The following ADGRB1 variants were observed in gnomAD, a reference collection of about 807,000 sequenced individuals.
The protein encoded by ADGRB1 is adhesion G protein-coupled receptor B1, also known as brain-specific angiogenesis inhibitor 1.
In ADGRB1, 36 loss-of-function variants were observed where a neutral mutation model predicts 175.7. The ratio of observed to expected loss-of-function variants is 0.20; its 90% CI spans 0.16 to 0.27. The LOEUF (loss-of-function observed/expected upper bound fraction) is 0.27. ADGRB1 is among the 10% of genes least tolerant of loss of function. The pLI is 1.00. For missense variants in ADGRB1, 1,731 were observed against 2,255.3 expected (o/e 0.77, Z 4.71); for synonymous variants, 1,054 against 979.4 (o/e 1.08, Z -1.42).
At position 142,464,158 on chromosome 8, in the gene ADGRB1, C is replaced by A; in HGVS notation, c.-41C>A. ...CATGTCAAGACCTGGTCCGCGCCTG[C>A]CTGCCCAGCCCGCGGAACCCCGGCG... On this transcript the variant is annotated 5_prime_UTR_variant, in exon 2 of 31. Coordinates refer to ENST00000517894, the MANE Select transcript of ADGRB1 (RefSeq NM_001702.3). The A allele has an allele frequency of 8.0e-7, 1 of 1,247,142 alleles. No homozygotes were observed. Among genetic ancestry groups the A allele is most frequent in the Non-Finnish European group, 1.0e-6 (1 of 999,664 alleles). 77.3% of individuals were successfully genotyped at this position (1,247,142 alleles called of 1,614,324 possible). A position where few individuals can be genotyped will look rare whatever the true frequency, so the allele number is the denominator to read the frequency against.
At chr8:142,465,164 G>C (rs1840204032) in intron 2 of ADGRB1, among the ~76,000 whole-genome samples, 182 bp downstream of exon 2, 1 of 152,160 alleles carries the variant, frequency 6.6e-6, no homozygotes, top group Non-Finnish European at 1.5e-5. Context: ...TGCTAGCACC[G>C]CTGTCTGGAG....
chr8:142,542,737 G>A lies in ADGRB1; in HGVS notation c.4413+90G>A, dbSNP rs894030662. The A allele has an allele frequency of 9.1e-5, 113 of 1,241,282 alleles. No homozygotes were observed. In the Middle Eastern group the frequency reaches 9.9e-4, roughly 11 times the overall value. The allele number at this position is 1,241,282 out of a possible 1,614,324, so 76.9% of individuals were successfully genotyped here. A position where few individuals can be genotyped will look rare whatever the true frequency, so the allele number is the denominator to read the frequency against. On this transcript the variant is annotated intron_variant, in intron 28 of 30. Coordinates refer to ENST00000517894, the MANE Select transcript of ADGRB1 (RefSeq NM_001702.3). This position sits in a 1 kb window ranked among gnomAD's most constrained non-coding sequence, Gnocchi z 6.3. Reference sequence around the variant, plus strand: ...CCCTGCTGGGTGGGACCCCCACGCCGTCAGCGGGGCGGGCTGGCTCTGCCT... The same window carrying A: ...CCCTGCTGGGTGGGACCCCCACGCCATCAGCGGGGCGGGCTGGCTCTGCCT...
chr8:142,515,742 G>A (rs532349319), intron 18 of ADGRB1, among the ~76,000 whole-genome samples: 14 of 151,964 alleles, frequency 9.2e-5, no homozygotes, highest in African/African-American at 2.7e-4. Context: ...TCGGGGGGCC[G>A]GTGGGAGAGC....
intron 16 of ADGRB1, 109 bp from the exon 17 acceptor site, chr8:142,490,663 C>A: frequency 7.6e-7 from 1 of 1,311,520 alleles, no homozygotes; most frequent in Non-Finnish European, 1.1e-6. Flanking sequence ...CAGGGACCCG[C>A]ACAGGTAGCA....
Position 142,543,799 on chromosome 8 carries a change from C to A in ADGRB1, c.4557+91C>A. 8.8e-7 allele frequency: 1 copy of A among 1,139,140 alleles called. No homozygotes were observed. Among genetic ancestry groups the A allele is most frequent in the Non-Finnish European group, 1.3e-6 (1 of 778,730 alleles). The allele number at this position is 1,139,140 out of a possible 1,614,324, so 70.6% of individuals were successfully genotyped here. On this transcript the variant is annotated intron_variant, in intron 30 of 30. Transcript: ENST00000517894. The surrounding 1 kb of genome is among the most constrained non-coding windows in gnomAD (Gnocchi z 4.4). ...CCTGGATTTGTGCACTTCATCCATCCATCCATCCATCCATCCATTCGTTCA... is the reference window on the plus strand; with the variant it reads ...CCTGGATTTGTGCACTTCATCCATCAATCCATCCATCCATCCATTCGTTCA...
intron 24 of ADGRB1, among the ~76,000 whole-genome samples, chr8:142,526,970 C>A (rs906992244): frequency 1.3e-5 from 2 of 152,206 alleles, no homozygotes; most frequent in African/African-American, 4.8e-5. Context: ...CCTGGCCCCC[C>A]ACTCCCCTAC....
chr8:142,480,895 A>G (rs1254668494), intron 9 of ADGRB1, among the ~76,000 whole-genome samples: 1 of 148,826 alleles, frequency 6.7e-6, no homozygotes, highest in Non-Finnish European at 1.5e-5. Flanking sequence ...GCAGCCAGGC[A>G]GGGGCCCAGG....
chr8:142,526,682 C>A (rs1027542181), intron 24 of ADGRB1, 55 bp downstream of exon 24: 46 of 1,520,188 alleles, frequency 3.0e-5, no homozygotes, highest in Non-Finnish European at 4.0e-5. Flanking sequence ...ACCCAGAGCC[C>A]ACCCAGCCCC....
Position 142,493,616 on chromosome 8 carries a change from G to A in ADGRB1, c.2675+2801G>A, listed in dbSNP as rs1242524849. ...CAGCATTGTGCCCAAGTTGCCTCTT[G>A]GGTCCTTGACCCTGCCCGGCAGCCA... On this transcript the variant is annotated intron_variant, in intron 17 of 30. Coordinates refer to ENST00000517894, the MANE Select transcript of ADGRB1 (RefSeq NM_001702.3). The surrounding 1 kb of genome is among the most constrained non-coding windows in gnomAD (Gnocchi z 5.0). Among the ~76,000 whole-genome samples, 1 of 152,208 alleles carries A rather than the reference G, an allele frequency of 6.6e-6. No individual in the cohort carries two copies. Among genetic ancestry groups the A allele is most frequent in the African/African-American group, 2.4e-5 (1 of 41,446 alleles).
Position 142,543,444 on chromosome 8 carries a change from T to C in ADGRB1, c.4449+6T>C, listed in dbSNP as rs1244370439. ...ATGCAGAACTGGACTTTGAGGTGAG[T>C]TCTGGTGTCCCCCCCCACCAGACAC... is the stretch of plus-strand genomic sequence containing the variant. On this transcript the variant is annotated splice_donor_region_variant and intron_variant, in intron 29 of 30. Coordinates refer to ENST00000517894, the MANE Select transcript of ADGRB1 (RefSeq NM_001702.3). This position sits in a 1 kb window ranked among gnomAD's most constrained non-coding sequence, Gnocchi z 4.4. 3 of 1,613,334 alleles carry C rather than the reference T, an allele frequency of 1.9e-6. No individual in the cohort carries two copies. Among genetic ancestry groups the C allele is most frequent in the Non-Finnish European group, 2.5e-6 (3 of 1,179,674 alleles).
At chr8:142,520,373 TGG>T (rs1843727691) in intron 19 of ADGRB1, among the ~76,000 whole-genome samples, 3 of 135,650 alleles carry the variant, frequency 2.2e-5, no homozygotes, top group African/African-American at 8.4e-5. Context: ...GTGGTGATGG[TGG>T]TGGTGGTGAT....
chr8:142,533,487 C>T (rs377347076), intron 25 of ADGRB1, 21 bp downstream of exon 25: 13 of 1,574,306 alleles, frequency 8.3e-6, no homozygotes, highest in East Asian at 6.8e-5. Flanking sequence ...CAGCCTCTGT[C>T]GGGCCGGGCT....
intron 18 of ADGRB1, among the ~76,000 whole-genome samples, chr8:142,515,771 G>A (rs1037552065): frequency 2.0e-5 from 3 of 152,250 alleles, no homozygotes; most frequent in Non-Finnish European, 4.4e-5. Context: ...GAGTTTTGAT[G>A]GGAGAAGTAC....
At chr8:142,518,803 C>T (rs1409429481) in intron 19 of ADGRB1, among the ~76,000 whole-genome samples, 1 of 152,236 alleles carries the variant, frequency 6.6e-6, no homozygotes, top group East Asian at 1.9e-4. Context: ...GCTATCTGCT[C>T]CTGTCCCATT....
intron 1 of ADGRB1, among the ~76,000 whole-genome samples, chr8:142,461,284 A>T (rs1839955671): frequency 2.0e-5 from 3 of 151,962 alleles, no homozygotes; most frequent in Admixed American, 1.3e-4. Context: ...CATCTGTCAA[A>T]TGGATCTGTA....
Position 142,543,305 on chromosome 8 carries a change from G to A in ADGRB1, c.4414-98G>A. 6.6e-7 allele frequency: 1 copy of A among 1,507,780 alleles called. No individual in the cohort carries two copies. Among genetic ancestry groups the A allele is most frequent in the Non-Finnish European group, 9.1e-7 (1 of 1,100,530 alleles). The allele number at this position is 1,507,780 out of a possible 1,614,324, so 93.4% of individuals were successfully genotyped here. A position where few individuals can be genotyped will look rare whatever the true frequency, so the allele number is the denominator to read the frequency against. Reference sequence around the variant, plus strand: ...GGCCTGGTCCCTGAAGGCAGGCATGGGGCGAGTGAGTCCCTGATGCCCTCA... The same window carrying A: ...GGCCTGGTCCCTGAAGGCAGGCATGAGGCGAGTGAGTCCCTGATGCCCTCA... On this transcript the variant is annotated intron_variant, in intron 28 of 30. Coordinates refer to ENST00000517894, the MANE Select transcript of ADGRB1 (RefSeq NM_001702.3). This position sits in a 1 kb window ranked among gnomAD's most constrained non-coding sequence, Gnocchi z 4.4.
Position 142,510,942 on chromosome 8 carries a change from T to G in ADGRB1, c.2686T>G (p.Ser896Ala), listed in dbSNP as rs1206631570. Residue 896 changes from serine (S) to alanine (A), a missense_variant, in exon 18 of 31, where the codon TCC (serine) becomes GCC (alanine). Coordinates refer to ENST00000517894, the MANE Select transcript of ADGRB1 (RefSeq NM_001702.3). The surrounding 1 kb of genome is among the most constrained non-coding windows in gnomAD (Gnocchi z 6.3). The part of the protein sequence containing the change: ...LWDETDVPSS[S>A]APPQLGPWSW... ...CCCGCCCGCCCCCAGACCCTCCTCC[T>G]CCGCCCCCCCGCAGCTCGGGCCCTG... 3 of 1,012,226 alleles carry G rather than the reference T, an allele frequency of 3.0e-6. No homozygotes were observed. The highest frequency in any genetic ancestry group is 2.5e-6 in the Non-Finnish European group (2 of 788,798). The allele number at this position is 1,012,226 out of a possible 1,614,324, so 62.7% of individuals were successfully genotyped here. A position where few individuals can be genotyped will look rare whatever the true frequency, so the allele number is the denominator to read the frequency against.
chr8:142,469,466 C>T (rs1235595013), intron 2 of ADGRB1, among the ~76,000 whole-genome samples: 4 of 131,104 alleles, frequency 3.1e-5, no homozygotes, highest in African/African-American at 5.9e-5. Context: ...TGTGTGTATG[C>T]ACGTGCATGT....
At chr8:142,463,462 C>A (rs531462021) in intron 1 of ADGRB1, among the ~76,000 whole-genome samples, 1 of 152,268 alleles carries the variant, frequency 6.6e-6, no homozygotes, top group African/African-American at 2.4e-5. Flanking sequence ...AACCTTTCTC[C>A]TGTGCTCCGG....
Sources: gnomAD v4.1 joint callset for allele counts (sites outside exome capture counted in the v4.1 genomes callset) on GRCh38, gnomAD v4.1.1 for gene constraint, Gnocchi (gnomAD v3.1) non-coding constraint, MANE v1.5 for transcripts, NCBI Gene and HGNC (gene_info 2026-07-23, HGNC 2026-07-21) for gene names.